Variants in AKAP6 observed in about 807,000 individuals in gnomAD.
AKAP6 encodes the protein A-kinase anchoring protein 6.
A neutral mutation model predicts 188.5 loss-of-function variants in AKAP6; 58 were observed. The ratio of observed to expected loss-of-function variants is 0.31; its 90% CI spans 0.25 to 0.38. The LOEUF (loss-of-function observed/expected upper bound fraction) is 0.38, where lower values mean the gene tolerates loss of function less well. Ranked by LOEUF, AKAP6 falls within the 10% of genes least tolerant of loss-of-function variation. AKAP6 has a pLI of 1.00. For synonymous variants in AKAP6, 989 were observed against 998.6 expected, an observed-to-expected ratio of 0.99 and a Z score of 0.18; for missense variants, 2,710 against 2,740.0, an observed-to-expected ratio of 0.99 and a Z score of 0.24.
chr14:32,663,445 G>A (rs933981198), intron 7 of AKAP6, among the ~76,000 whole-genome samples: 81 of 152,018 alleles, frequency 5.3e-4, no homozygotes, highest in African/African-American at 1.9e-3. Flanking sequence ...TACTCTTGGG[G>A]AGCCTAAAAT....
At chr14:32,698,022 A>G (rs1890474023) in intron 9 of AKAP6, among the ~76,000 whole-genome samples, 1 of 152,140 alleles carries the variant, frequency 6.6e-6, no homozygotes, top group Non-Finnish European at 1.5e-5. Flanking sequence ...CTAACTTTAC[A>G]TTTGGCTTAT....
intron 1 of AKAP6, among the ~76,000 whole-genome samples, chr14:32,405,887 G>C (rs574943029): frequency 6.6e-6 from 1 of 152,272 alleles, no homozygotes; most frequent in East Asian, 1.9e-4. Context: ...ATAGCAGTGT[G>C]AGAATTGACT....
intron 1 of AKAP6, among the ~76,000 whole-genome samples, chr14:32,345,564 G>T (rs1887039496): frequency 6.6e-6 from 1 of 152,208 alleles, no homozygotes; most frequent in African/African-American, 2.4e-5. Flanking sequence ...TGTCCCATCA[G>T]TGTATTGATA....
At position 32,535,716 on chromosome 14, in the gene AKAP6, G is replaced by C; in HGVS notation, c.487G>C (p.Glu163Gln). The change falls in exon 3 of 14, where the codon GAG becomes CAG. Residue 163 changes from glutamate (E) to glutamine (Q), a missense_variant. Around this residue, in one of 2 missense-constraint regions of AKAP6, gnomAD observed 237 missense variants for 313.9 expected, o/e 0.76. Coordinates refer to ENST00000280979, the MANE Select transcript of AKAP6 (RefSeq NM_004274.5). The stretch of plus-strand genomic sequence containing the variant: ...TCGAGTCTCAGTGCTGGTTCTGCGG[G>C]AGCGCATTCTGCAAGGTCTGCAGGA... ...QLRVSVLVLR[E>Q]RILQGLQDAN... 6.2e-7 allele frequency: 1 copy of C among 1,614,234 alleles called. No homozygotes were observed. The highest frequency in any genetic ancestry group is 1.3e-5 in the African/African-American group (1 of 75,076).
chr14:32,570,034 T>G (rs983818748), intron 4 of AKAP6, among the ~76,000 whole-genome samples: 1 of 151,622 alleles, frequency 6.6e-6, no homozygotes, highest in Non-Finnish European at 1.5e-5. Context: ...TCATGCTGTC[T>G]CATTGACCAT....
intron 12 of AKAP6, among the ~76,000 whole-genome samples, chr14:32,821,199 A>G (rs1220305929): frequency 6.6e-6 from 1 of 152,208 alleles, no homozygotes; most frequent in Non-Finnish European, 1.5e-5. Context: ...CTTCAGTAAC[A>G]AATTACTATT....
At chr14:32,472,591 G>A (rs747176579) in intron 2 of AKAP6, among the ~76,000 whole-genome samples, 9 of 152,156 alleles carry the variant, frequency 5.9e-5, no homozygotes, top group Admixed American at 1.3e-4. Flanking sequence ...GCATTGTGGA[G>A]AATGCATGAA....
At chr14:32,339,268 T>C (rs1886819159) in intron 1 of AKAP6, among the ~76,000 whole-genome samples, 1 of 152,152 alleles carries the variant, frequency 6.6e-6, no homozygotes, top group Non-Finnish European at 1.5e-5. Context: ...GGCCACATGA[T>C]TGTATTCAGT....
In AKAP6 at chr14:32,599,642, T is replaced by C. The variant is rs575798231; in HGVS notation, c.2566+136T>C. On this transcript the variant is annotated intron_variant, in intron 6 of 13. Coordinates refer to ENST00000280979, the MANE Select transcript of AKAP6 (RefSeq NM_004274.5). ...TACATTATCAGATTGACCTTCAAGA[T>C]TTATAAATGTTTCATATACTGCATA... 105 of 620,226 alleles carry C rather than the reference T, an allele frequency of 1.7e-4. No homozygotes were observed. The South Asian group carries it at 2.2e-3, about 13-fold the overall frequency. The allele number at this position is 620,226 out of a possible 1,614,324, so 38.4% of individuals were successfully genotyped here.
chr14:32,394,293 A>G (rs2138592486), intron 1 of AKAP6, among the ~76,000 whole-genome samples: 1 of 152,268 alleles, frequency 6.6e-6, no homozygotes, highest in East Asian at 1.9e-4. Context: ...CACAAGAGAT[A>G]TGTTCTCTGA....
At chr14:32,333,081 C>T (rs1886582014) in intron 1 of AKAP6, among the ~76,000 whole-genome samples, 1 of 152,044 alleles carries the variant, frequency 6.6e-6, no homozygotes, top group Admixed American at 6.6e-5. Context: ...GCTCATTAGC[C>T]TTTTCTAGGT....
chr14:32,818,569 A>G (rs546512535), intron 12 of AKAP6, among the ~76,000 whole-genome samples: 1 of 152,152 alleles, frequency 6.6e-6, no homozygotes, highest in South Asian at 2.1e-4. Flanking sequence ...AGTTGGTTGA[A>G]TTCATGAATT....
chr14:32,496,891 T>A (rs909041931), intron 2 of AKAP6, among the ~76,000 whole-genome samples: 2 of 152,168 alleles, frequency 1.3e-5, no homozygotes, highest in African/African-American at 4.8e-5. Flanking sequence ...GCTGTCTAGT[T>A]AAAAAGTAGA....
chr14:32,633,489 G>T (rs1344132375), intron 7 of AKAP6, among the ~76,000 whole-genome samples: 1 of 152,010 alleles, frequency 6.6e-6, no homozygotes, highest in Non-Finnish European at 1.5e-5. Flanking sequence ...GCCTCCTGTG[G>T]AGGAGGATGC....
intron 7 of AKAP6, among the ~76,000 whole-genome samples, chr14:32,620,112 C>G (rs1886752702): frequency 6.6e-6 from 1 of 151,608 alleles, no homozygotes; most frequent in Admixed American, 6.6e-5. Context: ...CGTTGGCAAA[C>G]TGAGATAGTT....
At chr14:32,750,732 A>AT (rs2032092852) in intron 11 of AKAP6, among the ~76,000 whole-genome samples, 2 of 145,182 alleles carry the variant, frequency 1.4e-5, no homozygotes, top group African/African-American at 5.2e-5. Context: ...CACTAAATTA[A>AT]TTTTGTTTTT....
intron 7 of AKAP6, among the ~76,000 whole-genome samples, chr14:32,612,390 G>A (rs1353793763): frequency 2.0e-5 from 3 of 152,070 alleles, no homozygotes; most frequent in Non-Finnish European, 4.4e-5. Flanking sequence ...AATATCATGT[G>A]TAGTTATAAT....
chr14:32,446,605 T>G (rs1166424122), intron 2 of AKAP6, among the ~76,000 whole-genome samples: 1 of 28,064 alleles, frequency 3.6e-5, no homozygotes. Context: ...TAGACATCTG[T>G]TTTTTTTTTT....
intron 7 of AKAP6, among the ~76,000 whole-genome samples, chr14:32,603,516 G>A (rs565088831): frequency 2.0e-5 from 3 of 152,286 alleles, no homozygotes; most frequent in Non-Finnish European, 4.4e-5. Context: ...AAGAGGACCT[G>A]CCTACCCAGG....
Sources: gnomAD v4.1 joint callset for allele counts (sites outside exome capture counted in the v4.1 genomes callset) on GRCh38, gnomAD v4.1.1 for gene constraint, gnomAD v4.1.1 regional missense constraint, MANE v1.5 for transcripts, NCBI Gene and HGNC (gene_info 2026-07-23, HGNC 2026-07-21) for gene names.